Variants in AGBL4 observed in about 807,000 individuals in gnomAD.
AGBL4 encodes the protein cytosolic carboxypeptidase 6.
AGBL4 carries 58 observed loss-of-function variants against 66.4 expected under a neutral mutation model. That is an observed-to-expected ratio of 0.87 (90% CI 0.71 to 1.09). AGBL4 has a LOEUF of 1.09. Among genes scored for constraint, AGBL4 ranks in the 50% least tolerant of loss-of-function variants. AGBL4 has a pLI of 0.00. For missense variants in AGBL4, 579 were observed against 631.0 expected (o/e 0.92, Z 0.88); for synonymous variants, 234 against 222.9 (o/e 1.05, Z -0.44).
intron 2 of AGBL4, among the ~76,000 whole-genome samples, chr1:49,736,997 T>G (rs1466396279): frequency 4.6e-5 from 7 of 151,910 alleles, no homozygotes; most frequent in Non-Finnish European, 1.0e-4. Context: ...ATTTGACATT[T>G]TAACAATGGC....
chr1:48,869,421 A>C (rs1232614506), intron 5 of AGBL4, among the ~76,000 whole-genome samples: 3 of 152,208 alleles, frequency 2.0e-5, no homozygotes, highest in Non-Finnish European at 2.9e-5. Context: ...ATAAGGGAAG[A>C]ATCCATCATG....
chr1:49,131,842 A>G (rs1299835878), intron 4 of AGBL4, among the ~76,000 whole-genome samples: 1 of 152,082 alleles, frequency 6.6e-6, no homozygotes, highest in African/African-American at 2.4e-5. Flanking sequence ...ATATTGAAGG[A>G]GCATCAGATT....
intron 8 of AGBL4, among the ~76,000 whole-genome samples, chr1:48,651,143 C>T (rs1645923450): frequency 6.6e-6 from 1 of 152,198 alleles, no homozygotes; most frequent in Non-Finnish European, 1.5e-5. Flanking sequence ...ATTAATGCTT[C>T]TGGTTAGAGT....
At chr1:48,719,099 C>A (rs576931060) in intron 6 of AGBL4, among the ~76,000 whole-genome samples, 2 of 152,296 alleles carry the variant, frequency 1.3e-5, no homozygotes, top group African/African-American at 4.8e-5. Flanking sequence ...CCATGCTGTT[C>A]CCACAGTATT....
chr1:48,883,471 C>T (rs1649984888), intron 5 of AGBL4, among the ~76,000 whole-genome samples: 1 of 152,162 alleles, frequency 6.6e-6, no homozygotes, highest in African/African-American at 2.4e-5. Context: ...TATGAGGTGC[C>T]AAAATTATCA....
chr1:49,024,396 C>T (rs1487213330), intron 5 of AGBL4, among the ~76,000 whole-genome samples: 2 of 152,124 alleles, frequency 1.3e-5, no homozygotes, highest in South Asian at 2.1e-4. Context: ...AGAGTTCAAA[C>T]GTTACTTCCC....
intron 5 of AGBL4, among the ~76,000 whole-genome samples, chr1:48,871,353 TTGTGTGTGTGTGTGTG>T (rs138337930): frequency 5.0e-5 from 7 of 140,978 alleles, no homozygotes; most frequent in African/African-American, 1.3e-4. Context: ...GTAGTAGTGG[TTGTGTGTGTGTGTGTG>T]TGTGTGTGTG....
chr1:48,827,117 C>G (rs974780397), intron 6 of AGBL4, among the ~76,000 whole-genome samples: 1 of 152,148 alleles, frequency 6.6e-6, no homozygotes, highest in African/African-American at 2.4e-5. Flanking sequence ...ATCAGAATTA[C>G]CATTTTTGTA....
intron 6 of AGBL4, among the ~76,000 whole-genome samples, chr1:48,832,548 G>A (rs914769691): frequency 3.3e-5 from 5 of 152,144 alleles, no homozygotes; most frequent in Non-Finnish European, 5.9e-5. Context: ...TCAGAGCCTG[G>A]CACAAAGAGG....
chr1:48,999,316 C>A (rs199785776), intron 5 of AGBL4, among the ~76,000 whole-genome samples: 21 of 152,150 alleles, frequency 1.4e-4, no homozygotes, highest in Non-Finnish European at 1.5e-4. Flanking sequence ...CCATAATAAT[C>A]ATCATCATCA....
At chr1:49,249,037 G>T (rs901367670) in intron 3 of AGBL4, among the ~76,000 whole-genome samples, 2 of 152,138 alleles carry the variant, frequency 1.3e-5, no homozygotes, top group African/African-American at 4.8e-5. Flanking sequence ...TACTGAAAAT[G>T]TGAAAGCTCC....
intron 3 of AGBL4, among the ~76,000 whole-genome samples, chr1:49,668,810 G>T (rs994404500): frequency 1.3e-5 from 2 of 152,118 alleles, no homozygotes; most frequent in African/African-American, 4.8e-5. Flanking sequence ...GACATACATT[G>T]TTTCCCTCAT....
At chr1:49,182,326 G>A (rs1443744736) in intron 4 of AGBL4, among the ~76,000 whole-genome samples, 2 of 152,132 alleles carry the variant, frequency 1.3e-5, no homozygotes, top group African/African-American at 4.8e-5. Flanking sequence ...CCATTCATAG[G>A]CTAGGATTTG....
At chr1:49,626,471 C>T (rs1198070043) in intron 3 of AGBL4, among the ~76,000 whole-genome samples, 1 of 152,118 alleles carries the variant, frequency 6.6e-6, no homozygotes, top group East Asian at 1.9e-4. Context: ...GAATAGATAT[C>T]TAAAGAATGA....
At chr1:48,899,057 GT>G (rs1303965346) in intron 5 of AGBL4, among the ~76,000 whole-genome samples, 1 of 152,206 alleles carries the variant, frequency 6.6e-6, no homozygotes, top group African/African-American at 2.4e-5. Flanking sequence ...GGTCAGCCAC[GT>G]CGCTGGGCCT....
intron 3 of AGBL4, among the ~76,000 whole-genome samples, chr1:49,610,934 A>G (rs1645143764): frequency 6.6e-6 from 1 of 152,240 alleles, no homozygotes; most frequent in African/African-American, 2.4e-5. Context: ...AAAGAATTTA[A>G]TAAATGGACT....
At chr1:48,800,882 G>A (rs571507720) in intron 6 of AGBL4, among the ~76,000 whole-genome samples, 12 of 152,002 alleles carry the variant, frequency 7.9e-5, no homozygotes, top group Non-Finnish European at 1.8e-4. Flanking sequence ...GCTCCCAAGA[G>A]TTTGTGTCTT....
At chr1:49,175,378 T>C (rs1441065492) in intron 4 of AGBL4, among the ~76,000 whole-genome samples, 5 of 152,074 alleles carry the variant, frequency 3.3e-5, no homozygotes, top group African/African-American at 1.2e-4. Context: ...ACAAGTATTA[T>C]TGTATGTTTT....
chr1:49,024,535 C>G lies in AGBL4; in HGVS notation c.594+21049G>C, dbSNP rs368023850. Among the ~76,000 whole-genome samples, 3 of 152,104 alleles carry G rather than the reference C, an allele frequency of 2.0e-5. No homozygotes were observed. In the East Asian group the frequency reaches 5.8e-4, roughly 29 times the overall value. ...TAGTAGGGTAATCTTGGACAAGTTA[C>G]TTAACCTTTCTGTGCCTCAGTTTCC... On this transcript the variant is annotated intron_variant, in intron 5 of 13. Coordinates refer to ENST00000371839, the MANE Select transcript of AGBL4 (RefSeq NM_032785.4).
Sources: gnomAD v4.1 joint callset for allele counts (sites outside exome capture counted in the v4.1 genomes callset) on GRCh38, gnomAD v4.1.1 for gene constraint, MANE v1.5 for transcripts, NCBI Gene and HGNC (gene_info 2026-07-23, HGNC 2026-07-21) for gene names.